SH3RF2: variants seen among roughly 807,000 people sequenced by gnomAD.
SH3RF2 encodes the protein E3 ubiquitin-protein ligase SH3RF2.
In SH3RF2, 43 loss-of-function variants were observed where a neutral mutation model predicts 59.0. That is an observed-to-expected ratio of 0.73 (90% CI 0.57 to 0.94). The LOEUF is 0.94. Ranked by LOEUF, SH3RF2 falls within the 40% of genes least tolerant of loss-of-function variation. The probability of loss-of-function intolerance (pLI) is 0.00; values close to 1 mark genes in which losing one functional copy is unlikely to be tolerated. For synonymous variants in SH3RF2, 391 were observed against 391.5 expected (o/e 1.00, Z 0.01); for missense variants, 930 against 940.1 (o/e 0.99, Z 0.14).
chr5:145,997,078 G>C, intron 2 of SH3RF2: 1 of 563,104 alleles, frequency 1.8e-6, no homozygotes, highest in East Asian at 3.2e-5. Context: ...GTGAAGGTTT[G>C]TTACACAGGT....
chr5:146,044,173 CAG>C (rs1182545762), intron 5 of SH3RF2, among the ~76,000 whole-genome samples: 4 of 147,758 alleles, frequency 2.7e-5, no homozygotes, highest in African/African-American at 7.5e-5. Flanking sequence ...GTTTTTAAGA[CAG>C]AGTCTCGCTC....
intron 5 of SH3RF2, among the ~76,000 whole-genome samples, chr5:146,024,352 G>A (rs559892099): frequency 1.3e-4 from 20 of 152,250 alleles, no homozygotes; most frequent in East Asian, 9.6e-4. Context: ...CTGTTCATGC[G>A]TTTATAGTGC....
chr5:145,967,865 G>T (rs893630250), intron 2 of SH3RF2, among the ~76,000 whole-genome samples: 1 of 152,090 alleles, frequency 6.6e-6, no homozygotes, highest in Non-Finnish European at 1.5e-5. Flanking sequence ...TCACCATGTT[G>T]GCCAGGCTGG....
intron 5 of SH3RF2, among the ~76,000 whole-genome samples, chr5:146,033,697 C>T (rs937659425): frequency 4.0e-5 from 6 of 151,772 alleles, no homozygotes; most frequent in Non-Finnish European, 5.9e-5. Flanking sequence ...CTCGAACTCC[C>T]GATCTCAGGT....
At position 146,062,670 on chromosome 5, in the gene SH3RF2, C is replaced by T. The variant is rs1289839730; in HGVS notation, c.2159C>T (p.Ser720Leu). Reference protein sequence around the residue: ...GKATTLVSTASGTQTVFPSK With the variant: ...GKATTLVSTALGTQTVFPSK ...GCCACAACCCTGGTGTCCACTGCCT[C>T]AGGCACGCAGACCGTGTTTCCCAGC... The change falls in exon 10 of 10, where the codon TCA (serine) becomes TTA (leucine). Residue 720 changes from serine (S) to leucine (L), a missense_variant. By Grantham distance (145) the Ser-to-Leu change is moderately radical. Coordinates refer to ENST00000359120, the MANE Select transcript of SH3RF2 (RefSeq NM_152550.4). The T allele has an allele frequency of 6.2e-6, 10 of 1,613,848 alleles. No individual in the cohort carries two copies. Among genetic ancestry groups the T allele is most frequent in the Non-Finnish European group, 7.6e-6 (9 of 1,179,834 alleles).
At chr5:145,977,452 A>G (rs978483885) in intron 2 of SH3RF2, among the ~76,000 whole-genome samples, 1 of 152,180 alleles carries the variant, frequency 6.6e-6, no homozygotes, top group African/African-American at 2.4e-5. Flanking sequence ...ATATCTGTAC[A>G]AGGTACCCAG....
intron 5 of SH3RF2, among the ~76,000 whole-genome samples, chr5:146,041,550 C>T (rs568349978): frequency 1.3e-5 from 2 of 152,294 alleles, no homozygotes; most frequent in South Asian, 4.1e-4. Flanking sequence ...AGGGAATGAG[C>T]TTTTAACTTT....
chr5:146,060,318 A>T, intron 9 of SH3RF2, 94 bp downstream of exon 9: 4 of 1,234,280 alleles, frequency 3.2e-6, no homozygotes, highest in Non-Finnish European at 4.5e-6. Flanking sequence ...TGAACAAGGA[A>T]CCAAAATTGC....
At chr5:146,003,943 C>A in intron 3 of SH3RF2, 115 bp from the exon 4 acceptor site, 1 of 708,234 alleles carries the variant, frequency 1.4e-6, no homozygotes, top group Non-Finnish European at 2.2e-6. Context: ...ATAAATCAAG[C>A]ACAAGCTACA....
At chr5:146,067,307 G>A (rs567856564), downstream of SH3RF2, among the ~76,000 whole-genome samples, 1 of 152,284 alleles carries the variant, frequency 6.6e-6, no homozygotes, top group East Asian at 1.9e-4. Context: ...CTGGATCAGG[G>A]TCAAGGCGGC....
chr5:146,062,937 C>T lies in SH3RF2; in HGVS notation c.*236C>T. The T allele has an allele frequency of 1.8e-6, 1 of 570,626 alleles. No homozygotes were observed. Among genetic ancestry groups the T allele is most frequent in the Non-Finnish European group, 3.0e-6 (1 of 329,154 alleles). The allele number at this position is 570,626 out of a possible 1,614,324, so 35.3% of individuals were successfully genotyped here. ...GATTTGATGCCACAAAGCTCGCTTA[C>T]TCAGACCAAGGAGTGAAAAATTGTC... is the stretch of plus-strand genomic sequence containing the variant. On this transcript the variant is annotated 3_prime_UTR_variant, in exon 10 of 10. Coordinates refer to ENST00000359120, the MANE Select transcript of SH3RF2 (RefSeq NM_152550.4).
intron 5 of SH3RF2, among the ~76,000 whole-genome samples, chr5:146,020,574 A>G (rs76886580): frequency 0.025 from 3,746 of 152,254 alleles, 164 homozygotes; most frequent in African/African-American, 0.087. Flanking sequence ...TTTCTCTCAT[A>G]TATATCTCTC....
intron 7 of SH3RF2, among the ~76,000 whole-genome samples, chr5:146,054,047 A>C (rs1006037703): frequency 6.6e-6 from 1 of 152,142 alleles, no homozygotes; most frequent in Non-Finnish European, 1.5e-5. Context: ...CTAAGCCCAG[A>C]ATGCTTTTCA....
chr5:145,942,309 G>C (rs1272217127), intron 2 of SH3RF2, among the ~76,000 whole-genome samples: 1 of 152,164 alleles, frequency 6.6e-6, no homozygotes, highest in Non-Finnish European at 1.5e-5. Flanking sequence ...GGGTTCTGTA[G>C]GGATGGACTT....
At chr5:145,979,743 G>T (rs962741685) in intron 2 of SH3RF2, among the ~76,000 whole-genome samples, 1 of 152,152 alleles carries the variant, frequency 6.6e-6, no homozygotes, top group Non-Finnish European at 1.5e-5. Flanking sequence ...GAATAATAGC[G>T]TTTACCTCAT....
In SH3RF2 at chr5:145,941,818, G is replaced by A. The variant is rs1757825477; in HGVS notation, c.378+3512G>A. 4.6e-5 allele frequency among the ~76,000 whole-genome samples: 7 copies of A among 152,296 alleles called. No individual in the cohort carries two copies. The South Asian group carries it at 1.5e-3, about 32-fold the overall frequency. ...AGTACCTACCTCAGAGGGTTGTTGT[G>A]AGAAATAAGTGAGATGATTCATGTC... is the stretch of plus-strand genomic sequence containing the variant. On this transcript the variant is annotated intron_variant, in intron 2 of 9. Coordinates refer to ENST00000359120, the MANE Select transcript of SH3RF2 (RefSeq NM_152550.4).
chr5:146,065,316 G>A (rs976685545), downstream of SH3RF2, among the ~76,000 whole-genome samples: 2 of 152,166 alleles, frequency 1.3e-5, no homozygotes, highest in Admixed American at 1.3e-4. Flanking sequence ...GGACAGGGAG[G>A]CATTGTGTGA....
chr5:146,054,431 C>T (rs1246633004), intron 7 of SH3RF2, among the ~76,000 whole-genome samples: 5 of 152,156 alleles, frequency 3.3e-5, no homozygotes, highest in Admixed American at 3.3e-4. Flanking sequence ...TTGCAGCATC[C>T]AACACCTTGA....
At chr5:145,946,384 A>T (rs72818444) in intron 2 of SH3RF2, among the ~76,000 whole-genome samples, 3,175 of 152,160 alleles carry the variant, frequency 0.021, 61 homozygotes, top group Non-Finnish European at 0.034. Flanking sequence ...CATATTAGGA[A>T]TTTTTTTTAA....
Sources: gnomAD v4.1 joint callset for allele counts (sites outside exome capture counted in the v4.1 genomes callset) on GRCh38, gnomAD v4.1.1 for gene constraint, MANE v1.5 for transcripts, NCBI Gene and HGNC (gene_info 2026-07-23, HGNC 2026-07-21) for gene names.